Variants in DLGAP3 observed in about 807,000 individuals in gnomAD.
DLGAP3 encodes DLG associated protein 3.
Under a neutral mutation model 81.2 loss-of-function variants are expected in DLGAP3, and 17 were observed. The ratio of observed to expected loss-of-function variants is 0.21; its 90% CI spans 0.14 to 0.31. The LOEUF is 0.31. Ranked by LOEUF, DLGAP3 falls within the 10% of genes least tolerant of loss-of-function variation. The pLI is 1.00. For missense variants in DLGAP3, 1,124 were observed against 1,388.0 expected, an observed-to-expected ratio of 0.81 and a Z score of 3.02; for synonymous variants, 577 against 587.4, an observed-to-expected ratio of 0.98 and a Z score of 0.26.
chr1:34,927,005 G>C (rs964192372), intron 1 of DLGAP3, among the ~76,000 whole-genome samples: 1 of 152,250 alleles, frequency 6.6e-6, no homozygotes, highest in Middle Eastern at 3.4e-3. Context: ...TCAGGCAGCC[G>C]CTGAAAGCAG....
rs1313287414 is a variant in DLGAP3, at chr1:34,868,511, T to C, written c.2485+94A>G. On this transcript the variant is annotated intron_variant, in intron 9 of 11. Coordinates refer to ENST00000373347, the MANE Select transcript of DLGAP3 (RefSeq NM_001080418.3). The surrounding 1 kb of genome is among the most constrained non-coding windows in gnomAD (Gnocchi z 7.5). ...AGGCACCAACCGAAGGGGCCTCCTGTTACACTGCAGCCCCAGCCACCCCCA... is the reference window on the plus strand; with the variant it reads ...AGGCACCAACCGAAGGGGCCTCCTGCTACACTGCAGCCCCAGCCACCCCCA... The C allele has an allele frequency of 1.8e-6, 2 of 1,087,442 alleles. No homozygotes were observed. The highest frequency in any genetic ancestry group is 1.5e-5 in the African/African-American group (1 of 64,880). 67.4% of individuals were successfully genotyped at this position (1,087,442 alleles called of 1,614,324 possible). A position where few individuals can be genotyped will look rare whatever the true frequency, so the allele number is the denominator to read the frequency against.
intron 3 of DLGAP3, among the ~76,000 whole-genome samples, chr1:34,903,274 C>T (rs1004002822): frequency 6.6e-6 from 1 of 152,192 alleles, no homozygotes; most frequent in South Asian, 2.1e-4. Context: ...AGGGCTCTCC[C>T]CTATCACAGC....
Position 34,900,350 on chromosome 1 carries a change from G to T in DLGAP3, c.1108-77C>A, listed in dbSNP as rs765349092. The T allele has an allele frequency of 6.8e-6, 10 of 1,460,516 alleles. No individual in the cohort carries two copies. The highest frequency in any genetic ancestry group is 8.6e-6 in the Non-Finnish European group (9 of 1,048,424). 90.5% of individuals were successfully genotyped at this position (1,460,516 alleles called of 1,614,324 possible). A position where few individuals can be genotyped will look rare whatever the true frequency, so the allele number is the denominator to read the frequency against. ...GGCCAGGACTCTTTCCCCACTGCCAGTGGGAGATGCCCTGCCCTGGCTTGA... is the reference window on the plus strand; with the variant it reads ...GGCCAGGACTCTTTCCCCACTGCCATTGGGAGATGCCCTGCCCTGGCTTGA... On this transcript the variant is annotated intron_variant, in intron 3 of 11. Transcript: ENST00000373347. The surrounding 1 kb of genome is among the most constrained non-coding windows in gnomAD (Gnocchi z 5.6).
intron 8 of DLGAP3, among the ~76,000 whole-genome samples, chr1:34,869,662 G>T (rs759099360): frequency 6.6e-6 from 1 of 152,046 alleles, no homozygotes; most frequent in African/African-American, 2.4e-5. Flanking sequence ...TTTTGGAAGA[G>T]ACAGGGTTTC....
intron 1 of DLGAP3, among the ~76,000 whole-genome samples, chr1:34,919,165 C>T (rs1639763798): frequency 6.6e-6 from 1 of 152,258 alleles, no homozygotes; most frequent in Admixed American, 6.5e-5. Flanking sequence ...AAGAGGCCCC[C>T]CTTCACCCCT....
intron 1 of DLGAP3, among the ~76,000 whole-genome samples, chr1:34,912,794 A>G (rs1639657343): frequency 6.6e-6 from 1 of 152,120 alleles, no homozygotes; most frequent in African/African-American, 2.4e-5. Flanking sequence ...AGCCCTTCAC[A>G]CTGGGAGCCC....
chr1:34,902,284 ACT>A lies in DLGAP3; in HGVS notation c.1107+1991_1107+1992del, dbSNP rs1223423578. ...CATAGGGTTCAGGGGAAAGGTGGAG[ACT>A]CTGGGGATGAGATGGGGTCCCTTGA... On this transcript the variant is annotated intron_variant, in intron 3 of 11. Coordinates refer to ENST00000373347, the MANE Select transcript of DLGAP3 (RefSeq NM_001080418.3). This position sits in a 1 kb window ranked among gnomAD's most constrained non-coding sequence, Gnocchi z 4.4. Among the ~76,000 whole-genome samples, 3 of 151,786 alleles carry A rather than the reference ACT, an allele frequency of 2.0e-5. No individual in the cohort carries two copies. The highest frequency in any genetic ancestry group is 7.3e-5 in the African/African-American group (3 of 41,290).
At chr1:34,884,331 C>T (rs1639188218) in intron 8 of DLGAP3, among the ~76,000 whole-genome samples, 3 of 151,986 alleles carry the variant, frequency 2.0e-5, no homozygotes, top group Admixed American at 2.0e-4. Context: ...CCATAGGCAC[C>T]CAACAACAGA....
In DLGAP3 at chr1:34,900,121, G is replaced by A. The variant is rs776563522; in HGVS notation, c.1260C>T (p.Val420=). 13 of 1,613,876 alleles carry A rather than the reference G, an allele frequency of 8.1e-6. No individual in the cohort carries two copies. Among genetic ancestry groups the A allele is most frequent in the African/African-American group, 2.7e-5 (2 of 74,934 alleles). ...AGCGACGGGTGGTGAAGCGTCGGGC[G>A]ACTGCTTTGGGAGATGTCTTGGGGC... is the stretch of plus-strand genomic sequence containing the variant. ...DGSPKTSPKA[V]ARRFTTRRSS... is the part of the protein sequence containing the mutation. The change falls in exon 4 of 12, where the codon GTC becomes GTT. Residue 420 remains valine (V), a synonymous_variant. Coordinates refer to ENST00000373347, the MANE Select transcript of DLGAP3 (RefSeq NM_001080418.3). This position sits in a 1 kb window ranked among gnomAD's most constrained non-coding sequence, Gnocchi z 5.6.
intron 1 of DLGAP3, chr1:34,925,318 T>C (rs1346592866): frequency 6.6e-6 from 1 of 152,592 alleles, no homozygotes; most frequent in Admixed American, 6.5e-5. Context: ...TCACAGCTGG[T>C]TCTAAAAACC....
intron 8 of DLGAP3, among the ~76,000 whole-genome samples, chr1:34,882,294 T>G (rs1234006480): frequency 6.6e-6 from 1 of 152,092 alleles, no homozygotes; most frequent in Admixed American, 6.5e-5. Context: ...CTGGCTAACA[T>G]GGCAACACCC....
intron 7 of DLGAP3, among the ~76,000 whole-genome samples, 158 bp downstream of exon 7, chr1:34,885,320 G>A (rs1224998641): frequency 6.6e-6 from 1 of 152,194 alleles, no homozygotes; most frequent in African/African-American, 2.4e-5. Flanking sequence ...GCGGGGGCTG[G>A]CTGGAGCAGC....
At position 34,865,665 on chromosome 1, in the gene DLGAP3, G is replaced by A. The variant is rs1266392816; in HGVS notation, c.*418C>T. On this transcript the variant is annotated 3_prime_UTR_variant, in exon 12 of 12. Transcript: ENST00000373347. ...GGGCGGGCTCCTAGGCAGGGTTCGGGATTCTTCATAAAAAGCCACGAAGCT... is the reference window on the plus strand; with the variant it reads ...GGGCGGGCTCCTAGGCAGGGTTCGGAATTCTTCATAAAAAGCCACGAAGCT... 1 of 290,032 alleles carries A rather than the reference G, an allele frequency of 3.4e-6. No individual in the cohort carries two copies. Among genetic ancestry groups the A allele is most frequent in the Non-Finnish European group, 6.7e-6 (1 of 149,590 alleles). The allele number at this position is 290,032 out of a possible 1,614,324, so 18.0% of individuals were successfully genotyped here. A position where few individuals can be genotyped will look rare whatever the true frequency, so the allele number is the denominator to read the frequency against.
chr1:34,883,780 A>T (rs1488865528), intron 8 of DLGAP3, among the ~76,000 whole-genome samples: 2 of 151,990 alleles, frequency 1.3e-5, no homozygotes, highest in Non-Finnish European at 2.9e-5. Flanking sequence ...TGAATCCCAT[A>T]GGAACACCAA....
chr1:34,917,250 T>C (rs902613507), intron 1 of DLGAP3, among the ~76,000 whole-genome samples: 5 of 152,058 alleles, frequency 3.3e-5, no homozygotes, highest in African/African-American at 1.2e-4. Flanking sequence ...CTCATCTATA[T>C]AGTCACTGTC....
intron 1 of DLGAP3, among the ~76,000 whole-genome samples, chr1:34,918,833 A>G (rs951428266): frequency 6.6e-6 from 1 of 152,196 alleles, no homozygotes; most frequent in African/African-American, 2.4e-5. Flanking sequence ...CTCCGAGGCC[A>G]GAGCTGGAAC....
intron 5 of DLGAP3, among the ~76,000 whole-genome samples, chr1:34,899,345 G>A (rs184337489): frequency 4.6e-5 from 7 of 152,356 alleles, no homozygotes; most frequent in Admixed American, 4.6e-4. Flanking sequence ...TGGGATCACA[G>A]GCGAGAGCCA....
chr1:34,925,016 C>G (rs1368220482), intron 1 of DLGAP3, among the ~76,000 whole-genome samples: 1 of 152,152 alleles, frequency 6.6e-6, no homozygotes, highest in Middle Eastern at 3.2e-3. Context: ...CCGCCGAATC[C>G]CACTCAGCAC....
At chr1:34,866,432 C>T in intron 11 of DLGAP3, 131 bp from the exon 12 acceptor site, 3 of 732,236 alleles carry the variant, frequency 4.1e-6, no homozygotes, top group Non-Finnish European at 6.5e-6. Context: ...CAGAATCCGC[C>T]ACGGATCCCG....
Sources: allele counts gnomAD v4.1 joint callset (sites outside exome capture counted in the v4.1 genomes callset), GRCh38; gene constraint gnomAD v4.1.1; non-coding constraint Gnocchi (gnomAD v3.1); transcripts MANE v1.5; gene names NCBI Gene and HGNC (gene_info 2026-07-23, HGNC 2026-07-21).